Variants in TTLL6 observed in about 807,000 individuals in gnomAD.
The protein encoded by TTLL6 is tubulin tyrosine ligase like 6, also known as tubulin polyglutamylase TTLL6.
A neutral mutation model predicts 96.4 loss-of-function variants in TTLL6; 75 were observed. The observed-to-expected ratio is 0.78, with a 90% CI of 0.65 to 0.94. The LOEUF is 0.94. Ranked by LOEUF, TTLL6 falls within the 40% of genes least tolerant of loss-of-function variation. The pLI, the probability that TTLL6 is intolerant of heterozygous loss-of-function variation, is 0.00. For missense variants in TTLL6, 1,030 were observed against 1,093.0 expected (o/e 0.94, Z 0.81); for synonymous variants, 411 against 419.4 (o/e 0.98, Z 0.24).
intron 10 of TTLL6, 76 bp downstream of exon 10, chr17:48,789,855 C>T: frequency 2.6e-6 from 4 of 1,528,272 alleles, no homozygotes; most frequent in South Asian, 1.3e-5. Flanking sequence ...CTGCACCCGG[C>T]CCAGGACAGA....
At chr17:48,811,158 T>C (rs2039586360) in intron 1 of TTLL6, among the ~76,000 whole-genome samples, 1 of 150,812 alleles carries the variant, frequency 6.6e-6, no homozygotes, top group Non-Finnish European at 1.5e-5. Flanking sequence ...AACCTCTGCT[T>C]CCTGGGTTCA....
At chr17:48,780,699 G>C (rs1231632968) in intron 13 of TTLL6, among the ~76,000 whole-genome samples, 1 of 152,006 alleles carries the variant, frequency 6.6e-6, no homozygotes, top group Non-Finnish European at 1.5e-5. Context: ...CTTTCTAAGA[G>C]GGGCTACTCT....
At chr17:48,770,551 C>T (rs148233795) in intron 13 of TTLL6, among the ~76,000 whole-genome samples, 818 of 119,138 alleles carry the variant, frequency 6.9e-3, no homozygotes, top group Middle Eastern at 0.02. Context: ...GGGTCTCACC[C>T]TGTCACCCTG....
At chr17:48,786,551 G>C (rs1251186350) in intron 11 of TTLL6, among the ~76,000 whole-genome samples, 2 of 152,246 alleles carry the variant, frequency 1.3e-5, no homozygotes, top group Non-Finnish European at 2.9e-5. Context: ...TGTGGGAATA[G>C]CATCCAAGGA....
At chr17:48,788,993 T>C (rs2039164334) in intron 10 of TTLL6, among the ~76,000 whole-genome samples, 1 of 151,920 alleles carries the variant, frequency 6.6e-6, no homozygotes, top group Non-Finnish European at 1.5e-5. Context: ...CTCCAGACAC[T>C]AGAATCACTC....
intron 13 of TTLL6, among the ~76,000 whole-genome samples, chr17:48,771,138 T>C (rs1329299696): frequency 1.3e-5 from 2 of 152,058 alleles, no homozygotes; most frequent in African/African-American, 4.8e-5. Flanking sequence ...GTGTAAATTG[T>C]GAAAGTGTGA....
intron 3 of TTLL6, among the ~76,000 whole-genome samples, chr17:48,802,128 AAGAAAGAAAGAAAGAAAG>A (rs1322569226): frequency 7.9e-6 from 1 of 127,346 alleles, no homozygotes; most frequent in Non-Finnish European, 1.9e-5. Context: ...GAAAGAAAGA[AAGAAAGAAAGAAAGAAAG>A]AAAGAAAATA....
intron 13 of TTLL6, among the ~76,000 whole-genome samples, chr17:48,780,791 G>C (rs1036733920): frequency 3.3e-5 from 5 of 152,080 alleles, no homozygotes; most frequent in African/African-American, 9.7e-5. Flanking sequence ...CATCCTCAAG[G>C]GTAAGTCCTG....
At chr17:48,771,354 C>A (rs1445651079) in intron 13 of TTLL6, among the ~76,000 whole-genome samples, 1 of 152,068 alleles carries the variant, frequency 6.6e-6, no homozygotes, top group African/African-American at 2.4e-5. Context: ...TTAGGCTGGG[C>A]AAGGTGGTTC....
At chr17:48,771,135 T>C (rs1460823731) in intron 13 of TTLL6, among the ~76,000 whole-genome samples, 2 of 151,986 alleles carry the variant, frequency 1.3e-5, no homozygotes, top group Admixed American at 1.3e-4. Flanking sequence ...AGAGTGTAAA[T>C]TGTGAAAGTG....
intron 13 of TTLL6, 33 bp from the exon 14 acceptor site, chr17:48,770,130 G>A: frequency 1.3e-6 from 2 of 1,553,114 alleles, no homozygotes; most frequent in Non-Finnish European, 1.7e-6. Flanking sequence ...ATGAGACTGT[G>A]GAAAGCAAAG....
chr17:48,785,937 G>A (rs1264210037), intron 12 of TTLL6, among the ~76,000 whole-genome samples: 1 of 152,230 alleles, frequency 6.6e-6, no homozygotes, highest in Non-Finnish European at 1.5e-5. Flanking sequence ...AGGCAAGCAG[G>A]ACAGACCGGT....
chr17:48,798,180 G>A (rs1055545630), intron 6 of TTLL6, among the ~76,000 whole-genome samples: 1 of 152,148 alleles, frequency 6.6e-6, no homozygotes, highest in African/African-American at 2.4e-5. Context: ...CCAGCACATT[G>A]TGAGGCCGAG....
chr17:48,774,226 G>GTTTTTTT (rs1260566203), intron 13 of TTLL6, among the ~76,000 whole-genome samples: 1 of 109,490 alleles, frequency 9.1e-6, no homozygotes, highest in Non-Finnish European at 1.8e-5. Flanking sequence ...CAAAATCCAG[G>GTTTTTTT]TTTGTTGTTT....
intron 2 of TTLL6, 66 bp downstream of exon 2, chr17:48,804,706 C>T (rs2039479530): frequency 7.4e-7 from 1 of 1,349,382 alleles, no homozygotes; most frequent in Non-Finnish European, 1.0e-6. Context: ...GCCAAGACCC[C>T]CTTCCCTCCA....
intron 13 of TTLL6, among the ~76,000 whole-genome samples, chr17:48,783,213 G>T (rs1167468682): frequency 2.6e-5 from 4 of 152,028 alleles, no homozygotes; most frequent in African/African-American, 9.7e-5. Context: ...ATTTTGAAAA[G>T]CATTGCCCTA....
At position 48,817,035 on chromosome 17, in the gene TTLL6, GGCCCCCTCCTCGAAGGA is replaced by G; in HGVS notation, c.21_37del (p.Pro8GlyfsTer9). 1 of 1,544,376 alleles carries G rather than the reference GGCCCCCTCCTCGAAGGA, an allele frequency of 6.5e-7. No homozygotes were observed. Among genetic ancestry groups the G allele is most frequent in the Non-Finnish European group, 8.7e-7 (1 of 1,145,768 alleles). On this transcript the variant is annotated frameshift_variant, in exon 1 of 16. Coordinates refer to ENST00000393382, the MANE Select transcript of TTLL6 (RefSeq NM_001130918.3). LOFTEE classifies it high-confidence loss of function. ...AGTCCAGCTTGCAACCACACCTGCC[GGCCCCCTCCTCGAAGGA>G]TGAAGGAGTAACGCTCCCATTGGCT... is the stretch of plus-strand genomic sequence containing the variant.
chr17:48,781,195 T>C (rs935446569), intron 13 of TTLL6, among the ~76,000 whole-genome samples: 12 of 152,066 alleles, frequency 7.9e-5, no homozygotes, highest in African/African-American at 2.4e-4. Context: ...TACATGTATA[T>C]GCCACTATGC....
chr17:48,781,763 G>A (rs1567720799), intron 13 of TTLL6, among the ~76,000 whole-genome samples: 3 of 152,154 alleles, frequency 2.0e-5, no homozygotes, highest in South Asian at 2.1e-4. Context: ...CCAAGGTGAC[G>A]GTAATAAGAG....
Sources: gnomAD v4.1 joint callset for allele counts (sites outside exome capture counted in the v4.1 genomes callset) on GRCh38, gnomAD v4.1.1 for gene constraint, MANE v1.5 for transcripts, NCBI Gene and HGNC (gene_info 2026-07-23, HGNC 2026-07-21) for gene names.